The following ANKRD13C variants were observed in gnomAD, a reference collection of about 807,000 sequenced individuals.
ANKRD13C encodes ankyrin repeat domain 13C.
In ANKRD13C, 16 loss-of-function variants were observed where a neutral mutation model predicts 65.5. The observed-to-expected ratio is 0.24, with a 90% CI of 0.17 to 0.37. The LOEUF is 0.37. Ranked by LOEUF, ANKRD13C falls within the 10% of genes least tolerant of loss-of-function variation. The pLI, the probability that ANKRD13C is intolerant of heterozygous loss-of-function variation, is 1.00. For missense variants in ANKRD13C, 503 were observed against 655.9 expected, an observed-to-expected ratio of 0.77 and a Z score of 2.55; for synonymous variants, 235 against 238.7, an observed-to-expected ratio of 0.98 and a Z score of 0.14.
chr1:70,283,942 A>T (rs952240231), intron 9 of ANKRD13C, among the ~76,000 whole-genome samples: 52 of 152,320 alleles, frequency 3.4e-4, no homozygotes, highest in Non-Finnish European at 6.5e-4. Flanking sequence ...CCCTACTCCA[A>T]TGATAACTGG....
chr1:70,344,810 GATATT>G (rs1682458946), intron 1 of ANKRD13C, among the ~76,000 whole-genome samples: 1 of 151,668 alleles, frequency 6.6e-6, no homozygotes, highest in Admixed American at 6.6e-5. Context: ...TATATCTATT[GATATT>G]TATCATATTA....
At chr1:70,277,827 T>C (rs1679206408) in intron 9 of ANKRD13C, among the ~76,000 whole-genome samples, 2 of 152,116 alleles carry the variant, frequency 1.3e-5, no homozygotes, top group Admixed American at 1.3e-4. Flanking sequence ...CTTTGCTAAA[T>C]ATGAATTTCA....
chr1:70,274,146 C>T (rs1216049472), intron 11 of ANKRD13C, among the ~76,000 whole-genome samples: 1 of 151,786 alleles, frequency 6.6e-6, no homozygotes, highest in Non-Finnish European at 1.5e-5. Context: ...TTTTTTAAAA[C>T]AAGCATGTAT....
chr1:70,312,261 T>C (rs961016928), intron 5 of ANKRD13C, among the ~76,000 whole-genome samples: 1 of 152,182 alleles, frequency 6.6e-6, no homozygotes, highest in Admixed American at 6.5e-5. Flanking sequence ...TGTGAGAATA[T>C]CATAACTTCC....
At position 70,340,588 on chromosome 1, in the gene ANKRD13C, G is replaced by T. The variant is rs149252357; in HGVS notation, c.431-4489C>A. Among the ~76,000 whole-genome samples, 114 of 152,092 alleles carry T rather than the reference G, an allele frequency of 7.5e-4. 2 individuals carry two copies. In the East Asian group the frequency reaches 0.022, roughly 29 times the overall value. On this transcript the variant is annotated intron_variant, in intron 1 of 12. Transcript: ENST00000370944. ...GTATTTTTTACATCCTTATTGATTT[G>T]TTGTTGTTGTTATTGTTGGCTTTTT... is the stretch of plus-strand genomic sequence containing the variant.
intron 8 of ANKRD13C, among the ~76,000 whole-genome samples, chr1:70,295,481 C>T (rs554895203): frequency 3.9e-5 from 6 of 152,076 alleles, no homozygotes; most frequent in Admixed American, 2.6e-4. Flanking sequence ...CTCCTGACCT[C>T]GTGATCCGCC....
At chr1:70,273,635 C>A (rs562594648) in intron 11 of ANKRD13C, among the ~76,000 whole-genome samples, 50 of 151,998 alleles carry the variant, frequency 3.3e-4, no homozygotes, top group African/African-American at 1.1e-3. Context: ...AAAATATAAT[C>A]ACTGTAAAAC....
Position 70,321,609 on chromosome 1 carries a change from A to G in ANKRD13C, c.577+3244T>C, listed in dbSNP as rs566516821. 2.6e-5 allele frequency among the ~76,000 whole-genome samples: 4 copies of G among 152,300 alleles called. No homozygotes were observed. In the East Asian group the frequency reaches 5.8e-4, roughly 22 times the overall value. Reference sequence around the variant, plus strand: ...AGATCCCAGAGTGCATAAAGAAACCAGAGCTGTCTCGATCAGAGAAAGCTA... The same window carrying G: ...AGATCCCAGAGTGCATAAAGAAACCGGAGCTGTCTCGATCAGAGAAAGCTA... On this transcript the variant is annotated intron_variant, in intron 3 of 12. Coordinates refer to ENST00000370944, the MANE Select transcript of ANKRD13C (RefSeq NM_030816.5).
chr1:70,292,283 A>G (rs1679896723), intron 9 of ANKRD13C, 105 bp downstream of exon 9: 1 of 792,476 alleles, frequency 1.3e-6, no homozygotes, highest in South Asian at 3.4e-5. Context: ...CACACAGTAA[A>G]TAAAAGCTGT....
At chr1:70,269,856 T>C (rs1678800295) in intron 12 of ANKRD13C, among the ~76,000 whole-genome samples, 1 of 152,190 alleles carries the variant, frequency 6.6e-6, no homozygotes, top group Admixed American at 6.5e-5. Flanking sequence ...GATGTGGTTT[T>C]AAAAATATTG....
intron 1 of ANKRD13C, among the ~76,000 whole-genome samples, chr1:70,339,360 C>T (rs1682202398): frequency 6.7e-6 from 1 of 149,990 alleles, no homozygotes; most frequent in Non-Finnish European, 1.5e-5. Flanking sequence ...TCTTGTCACC[C>T]AGGCTGGAGT....
intron 9 of ANKRD13C, among the ~76,000 whole-genome samples, chr1:70,285,306 C>A (rs1397958570): frequency 3.3e-5 from 5 of 150,662 alleles, no homozygotes. Flanking sequence ...AATTCTCCTG[C>A]CTCAGCCTCC....
chr1:70,320,330 G>T lies in ANKRD13C; in HGVS notation c.577+4523C>A, dbSNP rs563876608. Among the ~76,000 whole-genome samples, 17 of 152,038 alleles carry T rather than the reference G, an allele frequency of 1.1e-4. No homozygotes were observed. The South Asian group carries it at 3.3e-3, about 30-fold the overall frequency. ...ATATAACAAAATATTAACAGTGGTT[G>T]TCTTTTTTTTTTTCTTGAGACAGGG... On this transcript the variant is annotated intron_variant, in intron 3 of 12. Coordinates refer to ENST00000370944, the MANE Select transcript of ANKRD13C (RefSeq NM_030816.5).
At chr1:70,295,608 G>C (rs1280129445) in intron 8 of ANKRD13C, among the ~76,000 whole-genome samples, 1 of 151,944 alleles carries the variant, frequency 6.6e-6, no homozygotes, top group Non-Finnish European at 1.5e-5. Context: ...AGATACAATG[G>C]GAATTATGGA....
chr1:70,288,228 T>C (rs531856704), intron 9 of ANKRD13C, among the ~76,000 whole-genome samples: 6 of 152,002 alleles, frequency 3.9e-5, no homozygotes, highest in South Asian at 2.1e-4. Flanking sequence ...ATGAGTAACA[T>C]AGAAAATAAT....
At chr1:70,353,773 AAGG>A (rs1682858263) in intron 1 of ANKRD13C, among the ~76,000 whole-genome samples, 1 of 152,166 alleles carries the variant, frequency 6.6e-6, no homozygotes, top group Non-Finnish European at 1.5e-5. Context: ...TGAAGTGGGC[AAGG>A]AGGATACATT....
chr1:70,277,653 A>G (rs759285494), intron 9 of ANKRD13C, among the ~76,000 whole-genome samples: 2 of 152,200 alleles, frequency 1.3e-5, no homozygotes, highest in Non-Finnish European at 2.9e-5. Context: ...ATGCAATTGG[A>G]CTTCAGATTT....
At chr1:70,277,448 C>A (rs1407434847) in intron 9 of ANKRD13C, among the ~76,000 whole-genome samples, 1 of 144,686 alleles carries the variant, frequency 6.9e-6, no homozygotes, top group East Asian at 2.0e-4. Flanking sequence ...CAGAAGCAGA[C>A]TCCACCTCAA....
intron 2 of ANKRD13C, among the ~76,000 whole-genome samples, chr1:70,332,787 T>A (rs1681869191): frequency 6.6e-6 from 1 of 152,092 alleles, no homozygotes; most frequent in African/African-American, 2.4e-5. Flanking sequence ...TAAAACAGGC[T>A]GATATAAACC....
Sources: gnomAD v4.1 joint callset for allele counts (sites outside exome capture counted in the v4.1 genomes callset) on GRCh38, gnomAD v4.1.1 for gene constraint, MANE v1.5 for transcripts, NCBI Gene and HGNC (gene_info 2026-07-23, HGNC 2026-07-21) for gene names.